The following CLNK variants were observed in gnomAD, a reference collection of about 807,000 sequenced individuals.
CLNK encodes cytokine-dependent hematopoietic cell linker.
A neutral mutation model predicts 68.6 loss-of-function variants in CLNK; 74 were observed. That is an observed-to-expected ratio of 1.08 (90% CI 0.89 to 1.31). The LOEUF is 1.31. Ranked by LOEUF, CLNK falls within the 50% of genes most tolerant of loss-of-function variation. The pLI is 0.00. For synonymous variants in CLNK, 198 were observed against 172.2 expected (o/e 1.15, Z -1.17); for missense variants, 553 against 515.3 (o/e 1.07, Z -0.71).
At chr4:10,626,689 C>T (rs1722689121) in intron 2 of CLNK, among the ~76,000 whole-genome samples, 1 of 152,136 alleles carries the variant, frequency 6.6e-6, no homozygotes, top group Admixed American at 6.6e-5. Flanking sequence ...AGGATATATG[C>T]ACTATGAGAT....
the CLNK span, among the ~76,000 whole-genome samples, chr4:10,691,312 G>A: frequency 6.6e-6 from 1 of 152,110 alleles, no homozygotes; most frequent in Non-Finnish European, 1.5e-5. Flanking sequence ...GGAATCCATT[G>A]CAATACTAAG....
intron 2 of CLNK, among the ~76,000 whole-genome samples, chr4:10,607,162 AG>A (rs771101471): frequency 1.5e-4 from 23 of 152,182 alleles, no homozygotes; most frequent in Non-Finnish European, 2.9e-4. Context: ...ACGGGGGAAA[AG>A]GTGCATCCAT....
At chr4:10,691,804 A>T in the CLNK span, among the ~76,000 whole-genome samples, 1 of 152,196 alleles carries the variant, frequency 6.6e-6, no homozygotes, top group Admixed American at 6.5e-5. Context: ...TGAAGCAAGA[A>T]TCAGATTAGG....
intron 3 of CLNK, among the ~76,000 whole-genome samples, chr4:10,593,279 C>T (rs1045429923): frequency 5.3e-5 from 8 of 152,188 alleles, no homozygotes; most frequent in Middle Eastern, 3.4e-3. Flanking sequence ...GTCAGGAGAG[C>T]GGGCAGCGGT....
chr4:10,539,004 G>A (rs989923529), intron 11 of CLNK, among the ~76,000 whole-genome samples: 6 of 152,172 alleles, frequency 3.9e-5, no homozygotes, highest in Admixed American at 2.0e-4. Context: ...GTTTCCTGAG[G>A]TCTCTCCAGA....
At chr4:10,712,746 C>T in the CLNK span, among the ~76,000 whole-genome samples, 1 of 152,112 alleles carries the variant, frequency 6.6e-6, no homozygotes, top group Non-Finnish European at 1.5e-5. Context: ...TTATAACTAC[C>T]CCAAATTGCT....
chr4:10,733,675 A>G, the CLNK span, among the ~76,000 whole-genome samples: 1 of 152,368 alleles, frequency 6.6e-6, no homozygotes, highest in Non-Finnish European at 1.5e-5. Flanking sequence ...AGCATCTGCC[A>G]TATGCCAGGC....
chr4:10,707,226 A>T, the CLNK span, among the ~76,000 whole-genome samples: 1 of 152,178 alleles, frequency 6.6e-6, no homozygotes, highest in South Asian at 2.1e-4. Flanking sequence ...ACAATAACTG[A>T]TGAGCTAAAA....
intron 5 of CLNK, among the ~76,000 whole-genome samples, chr4:10,567,996 G>A (rs1720189404): frequency 6.6e-6 from 1 of 152,224 alleles, no homozygotes; most frequent in African/African-American, 2.4e-5. Context: ...TACAGCTGCT[G>A]CAGAAAATGC....
chr4:10,500,022 C>T (rs538936920), intron 18 of CLNK, among the ~76,000 whole-genome samples: 5 of 152,214 alleles, frequency 3.3e-5, no homozygotes, highest in South Asian at 4.1e-4. Context: ...GAGGGAGGCA[C>T]GATTCAGCCT....
chr4:10,648,888 C>T (rs1723622131), intron 2 of CLNK, among the ~76,000 whole-genome samples: 1 of 152,166 alleles, frequency 6.6e-6, no homozygotes, highest in Non-Finnish European at 1.5e-5. Flanking sequence ...GTGCTCATTC[C>T]ACTCTTTCAT....
At chr4:10,633,567 A>C (rs752756605) in intron 2 of CLNK, among the ~76,000 whole-genome samples, 1 of 152,220 alleles carries the variant, frequency 6.6e-6, no homozygotes, top group Non-Finnish European at 1.5e-5. Context: ...ACAGAGACCC[A>C]TGCCTAATCC....
At chr4:10,510,401 C>A (rs147880433) in intron 16 of CLNK, among the ~76,000 whole-genome samples, 5 of 152,168 alleles carry the variant, frequency 3.3e-5, no homozygotes, top group African/African-American at 1.2e-4. Flanking sequence ...GTGATGGGAT[C>A]CTGCTACAAT....
chr4:10,665,747 C>A (rs1353329353), intron 2 of CLNK, among the ~76,000 whole-genome samples: 1 of 151,108 alleles, frequency 6.6e-6, no homozygotes, highest in Admixed American at 6.6e-5. Context: ...ATGCTCATGG[C>A]AAATATTGAC....
chr4:10,681,974 G>A (rs1191599587), intron 1 of CLNK, among the ~76,000 whole-genome samples: 1 of 152,196 alleles, frequency 6.6e-6, no homozygotes, highest in Non-Finnish European at 1.5e-5. Flanking sequence ...ATGGTAACCT[G>A]TAAGTCATTG....
chr4:10,605,996 G>A (rs1301705918), intron 2 of CLNK, among the ~76,000 whole-genome samples: 4 of 152,004 alleles, frequency 2.6e-5, no homozygotes, highest in Non-Finnish European at 4.4e-5. Flanking sequence ...CACTACTGTA[G>A]GCTTTGGAGA....
intron 1 of CLNK, among the ~76,000 whole-genome samples, chr4:10,668,344 G>A (rs1022808027): frequency 1.3e-5 from 2 of 152,134 alleles, no homozygotes; most frequent in African/African-American, 2.4e-5. Flanking sequence ...ATCACTTTAC[G>A]TAGAATGCAA....
chr4:10,540,590 A>C lies in CLNK; in HGVS notation c.506T>G (p.Leu169Arg). 1 of 1,613,496 alleles carries C rather than the reference A, an allele frequency of 6.2e-7. No individual in the cohort carries two copies. ...GGGCAAGGGTTGGTACTTCTTCGGAAGTGTTATGAGAGGCCTGTGTGGAGA... is the reference window on the plus strand; with the variant it reads ...GGGCAAGGGTTGGTACTTCTTCGGACGTGTTATGAGAGGCCTGTGTGGAGA... ...PLPPPRPLIT[L>R]PKKYQPLPPE... Residue 169 changes from leucine to arginine, a missense_variant, in exon 11 of 19, where the codon CTT becomes CGT. Leu to Arg is a moderately radical substitution (Grantham distance 102, BLOSUM62 -2). Coordinates refer to ENST00000226951, the MANE Select transcript of CLNK (RefSeq NM_052964.4).
chr4:10,732,833 C>G, the CLNK span, among the ~76,000 whole-genome samples: 1 of 152,006 alleles, frequency 6.6e-6, no homozygotes, highest in Non-Finnish European at 1.5e-5. Context: ...TTTAAAACAT[C>G]ACTTCCTTGA....
Sources: allele counts gnomAD v4.1 joint callset (sites outside exome capture counted in the v4.1 genomes callset), GRCh38; gene constraint gnomAD v4.1.1; transcripts MANE v1.5; gene names NCBI Gene and HGNC (gene_info 2026-07-23, HGNC 2026-07-21).